GULP1: variants seen among roughly 807,000 people sequenced by gnomAD.
GULP1 encodes GULP PTB domain containing engulfment adaptor 1.
Under a neutral mutation model 40.9 loss-of-function variants are expected in GULP1, and 19 were observed. That is an observed-to-expected ratio of 0.46 (90% CI 0.32 to 0.68). GULP1 has a LOEUF of 0.68. GULP1 is among the 30% of genes least tolerant of loss of function. GULP1 has a pLI of 0.03. For missense variants in GULP1, 312 were observed against 362.2 expected (o/e 0.86, Z 1.12); for synonymous variants, 119 against 117.6 (o/e 1.01, Z -0.08).
At chr2:188,517,175 T>C (rs1193590430) in intron 4 of GULP1, among the ~76,000 whole-genome samples, 1 of 152,196 alleles carries the variant, frequency 6.6e-6, no homozygotes, top group East Asian at 1.9e-4. Flanking sequence ...TTTTGAAGTA[T>C]ATATGCATTG....
intron 2 of GULP1, among the ~76,000 whole-genome samples, chr2:188,462,203 A>C (rs1404385883): frequency 6.6e-6 from 1 of 152,128 alleles, no homozygotes; most frequent in Non-Finnish European, 1.5e-5. Flanking sequence ...ATTCAGGAGC[A>C]TATTGTGTAA....
chr2:188,564,935 A>C (rs1471204677), intron 7 of GULP1, among the ~76,000 whole-genome samples: 1 of 152,042 alleles, frequency 6.6e-6, no homozygotes, highest in Non-Finnish European at 1.5e-5. Flanking sequence ...TGTGACAAAA[A>C]ATTCAATGGA....
intron 2 of GULP1, among the ~76,000 whole-genome samples, chr2:188,415,646 T>A (rs1000621663): frequency 6.6e-6 from 1 of 152,072 alleles, no homozygotes; most frequent in African/African-American, 2.4e-5. Flanking sequence ...AAAGAAGACA[T>A]GGATGAATAT....
At chr2:188,348,156 A>G (rs1467726542) in intron 1 of GULP1, among the ~76,000 whole-genome samples, 1 of 152,214 alleles carries the variant, frequency 6.6e-6, no homozygotes, top group African/African-American at 2.4e-5. Flanking sequence ...ATTTATTATA[A>G]TGAGACTTAA....
rs375378729 is a variant in GULP1 at position 188,568,144 on chromosome 2, TA to T, written c.400-1090del. ...AAAACCCTCCTTAAATAATGAACTA[TA>T]AAAATTCTATTAAATGATATAAGAT... On this transcript the variant is annotated intron_variant, in intron 7 of 11. Transcript: ENST00000409830. Among the ~76,000 whole-genome samples the T allele has an allele frequency of 2.6e-4, 40 of 152,270 alleles. No homozygotes were observed. In the East Asian group the frequency reaches 2.7e-3, roughly 10 times the overall value.
chr2:188,366,588 C>CTT (rs34745549), intron 1 of GULP1, among the ~76,000 whole-genome samples: 175 of 84,042 alleles, frequency 2.1e-3, no homozygotes, highest in Non-Finnish European at 2.5e-3. Flanking sequence ...CAGTTACTTT[C>CTT]TTTTTTTTTT....
In GULP1 at chr2:188,477,729, A is replaced by T; in HGVS notation, c.27A>T (p.Lys9Asn). 6.3e-7 allele frequency: 1 copy of T among 1,599,512 alleles called. No homozygotes were observed. The highest frequency in any genetic ancestry group is 8.5e-7 in the Non-Finnish European group (1 of 1,172,972). ...TGAACCGTGCTTTTAGCAGGAAGAA[A>T]GGTAAGTGTGGTCATTTTTTAAAAC... MNRAFSRK[K>N]DKTWMHTPEA... Residue 9 changes from lysine to asparagine, a missense_variant and splice_region_variant, in exon 3 of 12, where the codon AAA (lysine) becomes AAT (asparagine). Lys to Asn is a moderately conservative substitution (Grantham distance 94). Transcript: ENST00000409830.
intron 2 of GULP1, among the ~76,000 whole-genome samples, chr2:188,426,272 TTAAGA>T (rs2056183314): frequency 6.6e-6 from 1 of 152,062 alleles, no homozygotes; most frequent in African/African-American, 2.4e-5. Context: ...GATGCTTGAG[TTAAGA>T]TAAGGTAGAT....
At chr2:188,311,206 T>C (rs1300860780) in intron 1 of GULP1, among the ~76,000 whole-genome samples, 5 of 152,170 alleles carry the variant, frequency 3.3e-5, no homozygotes, top group African/African-American at 1.2e-4. Context: ...CAAATACTTT[T>C]TTTTTTTTGA....
chr2:188,526,382 A>G (rs929405658), intron 5 of GULP1, among the ~76,000 whole-genome samples: 1 of 152,180 alleles, frequency 6.6e-6, no homozygotes, highest in African/African-American at 2.4e-5. Flanking sequence ...AAATCCACTG[A>G]AGCAAAAATT....
chr2:188,542,120 A>AC (rs1327577798), intron 7 of GULP1: 1 of 152,120 alleles, frequency 6.6e-6, no homozygotes, highest in Non-Finnish European at 1.5e-5. Context: ...GAAAAAAAAA[A>AC]AACAACTTAA....
intron 3 of GULP1, among the ~76,000 whole-genome samples, chr2:188,481,654 A>T (rs528298430): frequency 5.3e-5 from 8 of 151,958 alleles, no homozygotes; most frequent in Non-Finnish European, 1.2e-4. Context: ...GGAGAAAGAA[A>T]TTATTAATAC....
At chr2:188,419,204 T>G (rs1166308895) in intron 2 of GULP1, among the ~76,000 whole-genome samples, 1 of 152,156 alleles carries the variant, frequency 6.6e-6, no homozygotes, top group Non-Finnish European at 1.5e-5. Flanking sequence ...TTTCAATTAT[T>G]TTGGATAAAT....
At chr2:188,315,910 A>G (rs2039002704) in intron 1 of GULP1, among the ~76,000 whole-genome samples, 1 of 152,122 alleles carries the variant, frequency 6.6e-6, no homozygotes, top group Non-Finnish European at 1.5e-5. Context: ...TAATTGAGCC[A>G]CAGAAAGCAA....
At chr2:188,363,911 C>T (rs1231864393) in intron 1 of GULP1, among the ~76,000 whole-genome samples, 1 of 152,134 alleles carries the variant, frequency 6.6e-6, no homozygotes, top group Non-Finnish European at 1.5e-5. Flanking sequence ...GCTGATCATA[C>T]TTTATGCGCT....
In GULP1 at chr2:188,335,865, G is replaced by A. The variant is rs2042188942; in HGVS notation, c.-172+43699G>A. On this transcript the variant is annotated intron_variant, in intron 1 of 11. Transcript: ENST00000409830. ...ATGCCTGGCATAAAGCAGAATTTTG[G>A]TTGTGTGAAAGTGGGAACACTCTCA... Among the ~76,000 whole-genome samples, 3 of 152,160 alleles carry A rather than the reference G, an allele frequency of 2.0e-5. No individual in the cohort carries two copies. The South Asian group carries it at 6.2e-4, about 31-fold the overall frequency.
chr2:188,594,108 T>C lies in GULP1; in HGVS notation c.*97T>C, dbSNP rs1559417775. The stretch of plus-strand genomic sequence containing the variant: ...AAGATAGGTATTATTCATGTGTCAA[T>C]GTTTTTGAATATTTTAATATTTTGA... On this transcript the variant is annotated 3_prime_UTR_variant, in exon 12 of 12. Transcript: ENST00000409830. The C allele has an allele frequency of 3.1e-6, 2 of 648,986 alleles. No homozygotes were observed. Among genetic ancestry groups the C allele is most frequent in the East Asian group, 5.5e-5 (2 of 36,264 alleles). The allele number at this position is 648,986 out of a possible 1,614,324, so 40.2% of individuals were successfully genotyped here.
At chr2:188,584,112 G>T (rs1701875442) in intron 9 of GULP1, among the ~76,000 whole-genome samples, 153 bp from the exon 10 acceptor site, 1 of 152,142 alleles carries the variant, frequency 6.6e-6, no homozygotes, top group Non-Finnish European at 1.5e-5. Context: ...ATATGAAATT[G>T]CGAATACTTA....
intron 3 of GULP1, among the ~76,000 whole-genome samples, chr2:188,482,116 C>T (rs187442324): frequency 6.6e-6 from 1 of 151,902 alleles, no homozygotes; most frequent in African/African-American, 2.4e-5. Flanking sequence ...CAGAAATAGA[C>T]CCAATTCTCT....
Sources: allele counts gnomAD v4.1 joint callset (sites outside exome capture counted in the v4.1 genomes callset), GRCh38; gene constraint gnomAD v4.1.1; transcripts MANE v1.5; gene names NCBI Gene and HGNC (gene_info 2026-07-23, HGNC 2026-07-21).